Variants in YEATS2 observed in about 807,000 individuals in gnomAD.
YEATS2 encodes the protein YEATS domain containing 2, also known as YEATS domain-containing protein 2.
YEATS2 carries 77 observed loss-of-function variants against 163.2 expected under a neutral mutation model. The observed-to-expected ratio is 0.47, with a 90% CI of 0.39 to 0.57. The LOEUF (loss-of-function observed/expected upper bound fraction) is 0.57, where lower values mean the gene tolerates loss of function less well. Ranked by LOEUF, YEATS2 falls within the 20% of genes least tolerant of loss-of-function variation. YEATS2 has a pLI of 0.00. For synonymous variants in YEATS2, 631 were observed against 645.1 expected (o/e 0.98, Z 0.33); for missense variants, 1,549 against 1,729.8 (o/e 0.90, Z 1.85).
chr3:183,742,045 CAAAAA>C (rs35894648), intron 8 of YEATS2, among the ~76,000 whole-genome samples: 2 of 125,356 alleles, frequency 1.6e-5, no homozygotes, highest in African/African-American at 5.9e-5. Context: ...CTCATCTCTA[CAAAAA>C]AAAAAAAAAA....
chr3:183,779,926 G>A (rs1342759440), intron 19 of YEATS2, among the ~76,000 whole-genome samples: 4 of 151,346 alleles, frequency 2.6e-5, no homozygotes, highest in Non-Finnish European at 5.9e-5. Context: ...TCGATCTCTT[G>A]ACCTCGTGAT....
intron 1 of YEATS2, 56 bp from the exon 2 acceptor site, chr3:183,715,088 C>T: frequency 9.0e-7 from 1 of 1,105,694 alleles, no homozygotes; most frequent in Non-Finnish European, 1.4e-6. Flanking sequence ...AGTGTTACTA[C>T]AACCCAACTA....
Position 183,803,452 on chromosome 3 carries a change from T to TA in YEATS2, c.3582+125dup, listed in dbSNP as rs200256060. On this transcript the variant is annotated intron_variant, in intron 26 of 30. Coordinates refer to ENST00000305135, the MANE Select transcript of YEATS2 (RefSeq NM_018023.5). Reference sequence around the variant, plus strand: ...TTGATGGCAGAATATTTTCCTCAGTTAAAAAAAATCTCATTTTTCAAAGAC... The same window carrying TA: ...TTGATGGCAGAATATTTTCCTCAGTTAAAAAAAAATCTCATTTTTCAAAGAC... 5.4e-3 allele frequency: 5,703 copies of TA among 1,062,112 alleles called. 47 individuals are homozygous for TA. Among genetic ancestry groups the TA allele is most frequent in the South Asian group, 0.013 (875 of 64,890 alleles). The allele number at this position is 1,062,112 out of a possible 1,614,324, so 65.8% of individuals were successfully genotyped here. A position where few individuals can be genotyped will look rare whatever the true frequency, so the allele number is the denominator to read the frequency against.
At chr3:183,755,147 C>T (rs1202275424) in intron 11 of YEATS2, among the ~76,000 whole-genome samples, 2 of 151,782 alleles carry the variant, frequency 1.3e-5, no homozygotes, top group Non-Finnish European at 2.9e-5. Context: ...TGGAGTTTCA[C>T]TCTTGTCACC....
chr3:183,702,824 T>A (rs1208467579), intron 1 of YEATS2, among the ~76,000 whole-genome samples: 1 of 144,128 alleles, frequency 6.9e-6, no homozygotes, highest in Non-Finnish European at 1.5e-5. Context: ...ACAGCAAGAC[T>A]CTCTCTCTCA....
chr3:183,749,304 C>T (rs1287307116), intron 9 of YEATS2, among the ~76,000 whole-genome samples: 3 of 152,188 alleles, frequency 2.0e-5, no homozygotes, highest in Non-Finnish European at 2.9e-5. Context: ...TACCGTCTTA[C>T]CCATTTTTCA....
Position 183,803,286 on chromosome 3 carries a change from C to G in YEATS2, c.3533C>G (p.Ser1178Cys). Residue 1178 changes from serine to cysteine, a missense_variant, in exon 26 of 31, where the codon TCT (serine) becomes TGT (cysteine). Ser to Cys is a moderately radical substitution (Grantham distance 112). Coordinates refer to ENST00000305135, the MANE Select transcript of YEATS2 (RefSeq NM_018023.5). The stretch of plus-strand genomic sequence containing the variant: ...GATGCCAGCTGCTTTTCTGCAAAGT[C>G]TGTGGAGCAGTACTATGGCTGGAAC... ...SEDASCFSAK[S>C]VEQYYGWNIG... 1 of 1,611,948 alleles carries G rather than the reference C, an allele frequency of 6.2e-7. No homozygotes were observed. The highest frequency in any genetic ancestry group is 8.5e-7 in the Non-Finnish European group (1 of 1,179,920).
At position 183,809,072 on chromosome 3, in the gene YEATS2, A is replaced by G. The variant is rs2304751; in HGVS notation, c.4087-25A>G. ...TGCCAGCAAGCAGATGGCCATTTGA[A>G]GAATAACAGCATCTTCCATTGTAGG... On this transcript the variant is annotated intron_variant, in intron 29 of 30. Coordinates refer to ENST00000305135, the MANE Select transcript of YEATS2 (RefSeq NM_018023.5). 12,646 of 1,613,660 alleles carry G rather than the reference A, an allele frequency of 7.8e-3. 556 individuals are homozygous for G. In the East Asian group the frequency reaches 0.14, roughly 17 times the overall value.
chr3:183,740,466 C>G (rs1718829808), intron 8 of YEATS2, among the ~76,000 whole-genome samples: 1 of 152,184 alleles, frequency 6.6e-6, no homozygotes, highest in African/African-American at 2.4e-5. Flanking sequence ...AGTGAACACA[C>G]AAATGATAAG....
intron 6 of YEATS2, among the ~76,000 whole-genome samples, chr3:183,725,041 C>CTTTTTTTTTT (rs62826962): frequency 9.1e-5 from 8 of 87,522 alleles, no homozygotes; most frequent in African/African-American, 1.3e-4. Flanking sequence ...CCGTGCCGGC[C>CTTTTTTTTTT]TTTTTTTTTT....
In YEATS2 at chr3:183,777,885, C is replaced by T. The variant is rs576198382; in HGVS notation, c.2736+185C>T. Among the ~76,000 whole-genome samples the T allele has an allele frequency of 3.3e-5, 5 of 152,010 alleles. No homozygotes were observed. In the South Asian group the frequency reaches 6.2e-4, roughly 19 times the overall value. ...TGGGAAGCCAAGGTGGGTGGATTGC[C>T]TGAGGTCAGGAGTTGGAGACCAGCC... On this transcript the variant is annotated intron_variant, in intron 19 of 30. Coordinates refer to ENST00000305135, the MANE Select transcript of YEATS2 (RefSeq NM_018023.5).
At chr3:183,740,687 G>A (rs148666809) in intron 8 of YEATS2, among the ~76,000 whole-genome samples, 181 of 152,338 alleles carry the variant, frequency 1.2e-3, no homozygotes, top group African/African-American at 3.1e-3. Context: ...GAAGGATGCC[G>A]TCTCCATAAC....
At chr3:183,765,497 A>G (rs1183184851) in intron 15 of YEATS2, among the ~76,000 whole-genome samples, 1 of 152,216 alleles carries the variant, frequency 6.6e-6, no homozygotes, top group Admixed American at 6.5e-5. Flanking sequence ...AAGAAAAACC[A>G]CAGCAAAGTG....
chr3:183,755,242 CAA>C (rs1720599369), intron 11 of YEATS2, among the ~76,000 whole-genome samples: 2 of 152,104 alleles, frequency 1.3e-5, no homozygotes, highest in African/African-American at 2.4e-5. Flanking sequence ...CTCAGCCTCC[CAA>C]GTAGCTGGGA....
chr3:183,757,770 G>GTT (rs34399286), intron 12 of YEATS2, among the ~76,000 whole-genome samples: 8 of 140,382 alleles, frequency 5.7e-5, no homozygotes, highest in South Asian at 2.3e-4. Flanking sequence ...TTTCCAAGCA[G>GTT]TTTTTTTTTT....
At chr3:183,796,015 T>G (rs996977977) in intron 21 of YEATS2, among the ~76,000 whole-genome samples, 1 of 140,304 alleles carries the variant, frequency 7.1e-6, no homozygotes, top group Non-Finnish European at 1.5e-5. Flanking sequence ...GGAGTTCCGC[T>G]CTCGTTGCCC....
chr3:183,744,152 G>A (rs1208282338), intron 8 of YEATS2, among the ~76,000 whole-genome samples: 1 of 104,504 alleles, frequency 9.6e-6, no homozygotes, highest in African/African-American at 3.8e-5. Context: ...TCGGTCTGTT[G>A]CCCAGGCTGG....
At chr3:183,799,044 C>T (rs926476755) in intron 23 of YEATS2, 55 bp downstream of exon 23, 10 of 1,320,352 alleles carry the variant, frequency 7.6e-6, no homozygotes, top group Admixed American at 3.4e-5. Flanking sequence ...TTTTTATTGT[C>T]GTTCACGTTC....
At chr3:183,757,537 C>T (rs1469504487) in intron 12 of YEATS2, among the ~76,000 whole-genome samples, 1 of 152,150 alleles carries the variant, frequency 6.6e-6, no homozygotes, top group Admixed American at 6.5e-5. Flanking sequence ...GCCTCAGCCT[C>T]CCAAAGTGCT....
Sources: allele counts gnomAD v4.1 joint callset (sites outside exome capture counted in the v4.1 genomes callset), GRCh38; gene constraint gnomAD v4.1.1; transcripts MANE v1.5; gene names NCBI Gene and HGNC (gene_info 2026-07-23, HGNC 2026-07-21).